The following CTNNA3 variants were observed in gnomAD, a reference collection of about 807,000 sequenced individuals.
The protein encoded by CTNNA3 is catenin alpha 3, also known as catenin alpha-3.
A neutral mutation model predicts 95.7 loss-of-function variants in CTNNA3; 76 were observed. The observed-to-expected ratio is 0.79, with a 90% CI of 0.66 to 0.96. The LOEUF (loss-of-function observed/expected upper bound fraction) is 0.96. CTNNA3 is among the 40% of genes least tolerant of loss of function. The pLI is 0.00. For missense variants in CTNNA3, 1,191 were observed against 1,089.8 expected (o/e 1.09, Z -1.31); for synonymous variants, 431 against 374.4 (o/e 1.15, Z -1.74).
intron 7 of CTNNA3, among the ~76,000 whole-genome samples, chr10:66,919,964 A>T (rs1181434160): frequency 6.6e-6 from 1 of 152,206 alleles, no homozygotes; most frequent in Non-Finnish European, 1.5e-5. Flanking sequence ...TTATAAGCGA[A>T]TACACAGAAT....
intron 6 of CTNNA3, among the ~76,000 whole-genome samples, chr10:67,181,946 A>T (rs987385284): frequency 8.6e-5 from 13 of 151,618 alleles, no homozygotes; most frequent in Non-Finnish European, 1.8e-4. Flanking sequence ...CACAATTGCT[A>T]CAAAGAGAAT....
At chr10:67,467,762 G>T (rs1161578983) in intron 5 of CTNNA3, among the ~76,000 whole-genome samples, 1 of 151,824 alleles carries the variant, frequency 6.6e-6, no homozygotes, top group Non-Finnish European at 1.5e-5. Context: ...TTAGGCTGGA[G>T]CACAGTGGTG....
chr10:66,522,454 C>T (rs1841099466), intron 10 of CTNNA3, among the ~76,000 whole-genome samples: 1 of 151,982 alleles, frequency 6.6e-6, no homozygotes, highest in Non-Finnish European at 1.5e-5. Flanking sequence ...GGACGGTTAC[C>T]TCCATGCTGT....
chr10:67,287,345 A>C lies in CTNNA3; in HGVS notation c.580-67475T>G, dbSNP rs527279970. On this transcript the variant is annotated intron_variant, in intron 5 of 17. Transcript: ENST00000433211. ...AGAGTGAGACTCCATCTTGTAAAAAAAAAGAAAAGAAAAAACATTCTTACA... is the reference window on the plus strand; with the variant it reads ...AGAGTGAGACTCCATCTTGTAAAAACAAAGAAAAGAAAAAACATTCTTACA... Among the ~76,000 whole-genome samples the C allele has an allele frequency of 8.5e-5, 13 of 152,266 alleles. No homozygotes were observed. In the South Asian group the frequency reaches 2.7e-3, roughly 32 times the overall value.
At chr10:66,948,902 G>C (rs1264573882) in intron 7 of CTNNA3, among the ~76,000 whole-genome samples, 1 of 152,070 alleles carries the variant, frequency 6.6e-6, no homozygotes, top group Non-Finnish European at 1.5e-5. Context: ...TGTCAAGTGT[G>C]GGTCTCTTAA....
intron 7 of CTNNA3, among the ~76,000 whole-genome samples, chr10:67,017,853 T>G (rs1204172248): frequency 6.6e-6 from 1 of 151,982 alleles, no homozygotes; most frequent in Non-Finnish European, 1.5e-5. Flanking sequence ...CACTGCAACC[T>G]CCGCCTCCAG....
At chr10:66,659,383 A>ATTTTTAGAAGGAGCTAAAGTTT (rs1846179674) in intron 9 of CTNNA3, among the ~76,000 whole-genome samples, 1 of 152,100 alleles carries the variant, frequency 6.6e-6, no homozygotes, top group Non-Finnish European at 1.5e-5. Context: ...CCATACAAAG[A>ATTTTTAGAAGGAGCTAAAGTTT]TTTTTAGAAG....
intron 10 of CTNNA3, among the ~76,000 whole-genome samples, chr10:66,589,344 CT>C (rs1386873541): frequency 6.6e-6 from 1 of 152,028 alleles, no homozygotes; most frequent in African/African-American, 2.4e-5. Flanking sequence ...TTCTATTTCA[CT>C]TTGATTGTGG....
intron 1 of CTNNA3, among the ~76,000 whole-genome samples, chr10:67,729,848 G>A (rs906859626): frequency 6.6e-5 from 10 of 152,012 alleles, no homozygotes; most frequent in Admixed American, 1.3e-4. Context: ...TAATTTTATG[G>A]TTAATCGTTA....
intron 14 of CTNNA3, among the ~76,000 whole-genome samples, chr10:66,077,797 T>C (rs993650885): frequency 6.6e-6 from 1 of 151,770 alleles, no homozygotes; most frequent in Non-Finnish European, 1.5e-5. Flanking sequence ...CACGGCCATA[T>C]AGTTATTGCA....
rs771791661 is a variant in CTNNA3 at position 67,606,936 on chromosome 10, G to C, written c.213C>G (p.Asp71Glu). The change falls in exon 3 of 18, where the codon GAC becomes GAG. Residue 71 changes from aspartate to glutamate, a missense_variant. Physicochemically the swap from Asp to Glu is conservative, Grantham distance 45. Coordinates refer to ENST00000433211, the MANE Select transcript of CTNNA3 (RefSeq NM_013266.4). Reference sequence around the variant, plus strand: ...CTTCCTGGGCAATCTTCTCTCCCTTGTCTAATAAATTCCAAGTTGCTTCCT... The same window carrying C: ...CTTCCTGGGCAATCTTCTCTCCCTTCTCTAATAAATTCCAAGTTGCTTCCT... ...SVEEATWNLL[D>E]KGEKIAQEAT... The C allele has an allele frequency of 6.8e-5, 109 of 1,613,888 alleles. No individual in the cohort carries two copies. Among genetic ancestry groups the C allele is most frequent in the Non-Finnish European group, 9.2e-5 (109 of 1,179,900 alleles).
chr10:67,134,146 G>T (rs2132026431), intron 7 of CTNNA3, among the ~76,000 whole-genome samples: 1 of 152,230 alleles, frequency 6.6e-6, no homozygotes, highest in South Asian at 2.1e-4. Context: ...TGCTCAATGT[G>T]AGAAGGTTGT....
chr10:66,192,267 A>C (rs2086718538), intron 13 of CTNNA3, among the ~76,000 whole-genome samples: 1 of 152,100 alleles, frequency 6.6e-6, no homozygotes. Context: ...CATGCATACA[A>C]ATTTACTCCC....
At chr10:67,342,292 A>G (rs891800443) in intron 5 of CTNNA3, among the ~76,000 whole-genome samples, 2 of 151,584 alleles carry the variant, frequency 1.3e-5, no homozygotes, top group African/African-American at 4.8e-5. Context: ...TAGTAGAGAC[A>G]GGGTTTCACC....
Position 66,650,166 on chromosome 10 carries a change from C to A in CTNNA3, c.1282-28382G>T, listed in dbSNP as rs377411708. On this transcript the variant is annotated intron_variant, in intron 9 of 17. Coordinates refer to ENST00000433211, the MANE Select transcript of CTNNA3 (RefSeq NM_013266.4). ...CAGCAGAATATACTTTTTTCTCAAA[C>A]ACACACAGAACATTCTTCAGGGTAG... Among the ~76,000 whole-genome samples the A allele has an allele frequency of 5.9e-5, 9 of 152,274 alleles. No homozygotes were observed. In the East Asian group the frequency reaches 1.7e-3, roughly 29 times the overall value.
chr10:67,154,645 C>T (rs1023841100), intron 7 of CTNNA3, among the ~76,000 whole-genome samples: 3 of 152,192 alleles, frequency 2.0e-5, no homozygotes, highest in African/African-American at 4.8e-5. Flanking sequence ...ACCCGCTACA[C>T]GGCTTTTGCA....
intron 17 of CTNNA3, among the ~76,000 whole-genome samples, chr10:65,931,806 G>A (rs988123372): frequency 1.3e-5 from 2 of 152,198 alleles, no homozygotes; most frequent in African/African-American, 4.8e-5. Flanking sequence ...TAGCTGAGAG[G>A]ACGAGGTTCA....
At chr10:66,385,998 G>C (rs1199379446) in intron 11 of CTNNA3, among the ~76,000 whole-genome samples, 1 of 152,054 alleles carries the variant, frequency 6.6e-6, no homozygotes, top group African/African-American at 2.4e-5. Flanking sequence ...ATACTGAATG[G>C]GCAAAAACTG....
intron 4 of CTNNA3, among the ~76,000 whole-genome samples, chr10:67,525,723 T>C (rs1650365153): frequency 6.6e-6 from 1 of 152,234 alleles, no homozygotes; most frequent in Non-Finnish European, 1.5e-5. Context: ...GCCAACGCCC[T>C]GGCTTCCTTT....
Sources: gnomAD v4.1 joint callset for allele counts (sites outside exome capture counted in the v4.1 genomes callset) on GRCh38, gnomAD v4.1.1 for gene constraint, MANE v1.5 for transcripts, NCBI Gene and HGNC (gene_info 2026-07-23, HGNC 2026-07-21) for gene names.